Variants in EFNB2 observed in about 807,000 individuals in gnomAD.
The protein encoded by EFNB2 is ephrin-B2.
EFNB2 carries 5 observed loss-of-function variants against 32.1 expected under a neutral mutation model. The ratio of observed to expected loss-of-function variants is 0.16; its 90% confidence interval spans 0.08 to 0.33. The LOEUF (loss-of-function observed/expected upper bound fraction) is 0.33. Ranked by LOEUF, EFNB2 falls within the 10% of genes least tolerant of loss-of-function variation. The pLI, the probability that EFNB2 is intolerant of heterozygous loss-of-function variation, is 1.00. For synonymous variants in EFNB2, 168 were observed against 166.5 expected, an observed-to-expected ratio of 1.01 and a Z score of -0.07; for missense variants, 263 against 422.6, an observed-to-expected ratio of 0.62 and a Z score of 3.31.
chr13:106,496,476 C>A (rs1392859520), intron 2 of EFNB2, among the ~76,000 whole-genome samples: 2 of 152,198 alleles, frequency 1.3e-5, no homozygotes, highest in African/African-American at 2.4e-5. Flanking sequence ...CCAATGTCAA[C>A]CTTAGTCAAC....
intron 1 of EFNB2, among the ~76,000 whole-genome samples, chr13:106,527,816 T>A (rs1018530246): frequency 6.6e-6 from 1 of 152,250 alleles, no homozygotes; most frequent in Non-Finnish European, 1.5e-5. Context: ...AAATGTTGGA[T>A]GAAGGTTAGT....
chr13:106,528,858 A>G (rs1003951213), intron 1 of EFNB2, among the ~76,000 whole-genome samples: 3 of 152,176 alleles, frequency 2.0e-5, no homozygotes, highest in Non-Finnish European at 4.4e-5. Flanking sequence ...TTTTGACTTT[A>G]AGGCTGGGCA....
At chr13:106,529,118 G>C (rs1189400985) in intron 1 of EFNB2, among the ~76,000 whole-genome samples, 1 of 152,182 alleles carries the variant, frequency 6.6e-6, no homozygotes, top group Non-Finnish European at 1.5e-5. Flanking sequence ...CTGAGGGAGA[G>C]GGACAATGTG....
intron 1 of EFNB2, among the ~76,000 whole-genome samples, chr13:106,531,750 T>A (rs1159211387): frequency 6.8e-6 from 1 of 147,734 alleles, no homozygotes; most frequent in Non-Finnish European, 1.5e-5. Context: ...GTATCAGGAA[T>A]CCAGTATTAT....
Position 106,492,148 on chromosome 13 carries a change from A to G in EFNB2, c.*892T>C, listed in dbSNP as rs1878429325. The G allele has an allele frequency of 6.6e-6, 1 of 152,614 alleles. No individual in the cohort carries two copies. Among genetic ancestry groups the G allele is most frequent in the Non-Finnish European group, 1.5e-5 (1 of 68,060 alleles). The allele number at this position is 152,614 out of a possible 1,614,324, so 9.5% of individuals were successfully genotyped here. The stretch of plus-strand genomic sequence containing the variant: ...GATAACAGCGAGTGCCTCCCCATGC[A>G]CTGGAATCCACTGTGTGTGCTGTCG... On this transcript the variant is annotated 3_prime_UTR_variant, in exon 5 of 5. Transcript: ENST00000646441. The surrounding 1 kb of genome is among the most constrained non-coding windows in gnomAD (Gnocchi z 5.1).
chr13:106,505,707 C>G (rs571086735), intron 2 of EFNB2, among the ~76,000 whole-genome samples: 1 of 152,274 alleles, frequency 6.6e-6, no homozygotes, highest in East Asian at 1.9e-4. Context: ...AGAAGCCTGT[C>G]CTCTTTCATT....
chr13:106,502,677 A>G (rs1388819951), intron 2 of EFNB2, among the ~76,000 whole-genome samples: 1 of 152,244 alleles, frequency 6.6e-6, no homozygotes, highest in East Asian at 1.9e-4. Flanking sequence ...CACCACATCT[A>G]GAACAGGAGA....
intron 1 of EFNB2, among the ~76,000 whole-genome samples, chr13:106,531,623 GTTTAT>G (rs1879874503): frequency 1.3e-5 from 2 of 152,180 alleles, no homozygotes; most frequent in Non-Finnish European, 1.5e-5. Flanking sequence ...ATCCATTGTA[GTTTAT>G]TTTATCAATC....
At position 106,492,859 on chromosome 13, in the gene EFNB2, G is replaced by T; in HGVS notation, c.*181C>A. On this transcript the variant is annotated 3_prime_UTR_variant, in exon 5 of 5. Coordinates refer to ENST00000646441, the MANE Select transcript of EFNB2 (RefSeq NM_004093.4). This position sits in a 1 kb window ranked among gnomAD's most constrained non-coding sequence, Gnocchi z 5.1. ...CCAGGGAGCGTGTGTGTTCACCAAG[G>T]CCGAATGCTACAAGACTAGGTAAGC... is the stretch of plus-strand genomic sequence containing the variant. The T allele has an allele frequency of 1.3e-6, 1 of 763,200 alleles. No individual in the cohort carries two copies. Among genetic ancestry groups the T allele is most frequent in the Non-Finnish European group, 2.0e-6 (1 of 492,164 alleles). 47.3% of individuals were successfully genotyped at this position (763,200 alleles called of 1,614,324 possible). A position where few individuals can be genotyped will look rare whatever the true frequency, so the allele number is the denominator to read the frequency against.
intron 1 of EFNB2, chr13:106,519,780 T>C (rs984543922): frequency 6.6e-6 from 1 of 152,236 alleles, no homozygotes; most frequent in Admixed American, 6.5e-5. Context: ...TTGCAATAAA[T>C]AGTCAATGCT....
In EFNB2 at chr13:106,495,857, T is replaced by C; in HGVS notation, c.407-17A>G. The C allele has an allele frequency of 6.2e-7, 1 of 1,601,994 alleles. No individual in the cohort carries two copies. The highest frequency in any genetic ancestry group is 8.5e-7 in the Non-Finnish European group (1 of 1,174,822). On this transcript the variant is annotated splice_polypyrimidine_tract_variant and intron_variant, in intron 2 of 4. Coordinates refer to ENST00000646441, the MANE Select transcript of EFNB2 (RefSeq NM_004093.4). ...TTGATGTAGCTGATTAAAAATAAAA[T>C]GGACAAAACAAAAAAATAAAGAAAA...
At chr13:106,509,110 G>GT (rs1879052475) in intron 2 of EFNB2, among the ~76,000 whole-genome samples, 2 of 152,066 alleles carry the variant, frequency 1.3e-5, no homozygotes, top group African/African-American at 4.8e-5. Context: ...TACTAAAAGC[G>GT]TTTTTTAGGG....
chr13:106,497,707 C>A (rs574654017), intron 2 of EFNB2, among the ~76,000 whole-genome samples: 1 of 152,040 alleles, frequency 6.6e-6, no homozygotes, highest in African/African-American at 2.4e-5. Context: ...CACCTCACGA[C>A]AGGCCCCGGT....
In EFNB2 at chr13:106,518,850, A is replaced by G. The variant is rs1879403586; in HGVS notation, c.123-6038T>C. 6.6e-6 allele frequency: 1 copy of G among 152,202 alleles called. No individual in the cohort carries two copies. Among genetic ancestry groups the G allele is most frequent in the Admixed American group, 6.5e-5 (1 of 15,274 alleles). The allele number at this position is 152,202 out of a possible 1,614,324, so 9.4% of individuals were successfully genotyped here. A position where few individuals can be genotyped will look rare whatever the true frequency, so the allele number is the denominator to read the frequency against. Reference sequence around the variant, plus strand: ...GCACAAACATCTGATGCCTTCTTACAAGTTTTCTCACGGTTGGCCAAAGAG... The same window carrying G: ...GCACAAACATCTGATGCCTTCTTACGAGTTTTCTCACGGTTGGCCAAAGAG... On this transcript the variant is annotated intron_variant, in intron 1 of 4. Transcript: ENST00000646441. This position sits in a 1 kb window ranked among gnomAD's most constrained non-coding sequence, Gnocchi z 4.1.
rs780013719 is a variant in EFNB2, at chr13:106,498,126, G to A, written c.407-2286C>T. 9.9e-5 allele frequency among the ~76,000 whole-genome samples: 15 copies of A among 152,060 alleles called. No individual in the cohort carries two copies. In the South Asian group the frequency reaches 1.9e-3, roughly 19 times the overall value. On this transcript the variant is annotated intron_variant, in intron 2 of 4. Coordinates refer to ENST00000646441, the MANE Select transcript of EFNB2 (RefSeq NM_004093.4). The stretch of plus-strand genomic sequence containing the variant: ...ACTCAAAGTAAGTAACTGACTTTTT[G>A]TTGCTAAAAGTTTCAACACTAAGCT...
rs759930636 is a variant in EFNB2 at position 106,493,108 on chromosome 13, C to T, written c.934G>A (p.Gly312Arg). ...TCCTGGACGATGTACACCGGGTGCCCGTAGTCCCCGCTGACCTTCTCGTAG... is the reference window on the plus strand; with the variant it reads ...TCCTGGACGATGTACACCGGGTGCCTGTAGTCCCCGCTGACCTTCTCGTAG... ...PHYEKVSGDYGHPVYIVQEMP... is the reference protein window; with the variant it reads ...PHYEKVSGDYRHPVYIVQEMP... Residue 312 changes from glycine (G) to arginine (R), a missense_variant, in exon 5 of 5, where the codon GGG (glycine) becomes AGG (arginine). This residue lies in a region of EFNB2 where 172 missense variants were observed against 237.1 expected (regional missense o/e 0.73). Coordinates refer to ENST00000646441, the MANE Select transcript of EFNB2 (RefSeq NM_004093.4). This position sits in a 1 kb window ranked among gnomAD's most constrained non-coding sequence, Gnocchi z 6.1. The T allele has an allele frequency of 1.2e-5, 19 of 1,613,832 alleles. No homozygotes were observed. The highest frequency in any genetic ancestry group is 2.7e-5 in the African/African-American group (2 of 74,932).
chr13:106,496,140 T>C (rs1469307111), intron 2 of EFNB2, among the ~76,000 whole-genome samples: 1 of 152,354 alleles, frequency 6.6e-6, no homozygotes, highest in East Asian at 1.9e-4. Flanking sequence ...ATAAAAGGGA[T>C]GGCATCCTTC....
chr13:106,490,806 C>G lies in EFNB2; in HGVS notation c.*2234G>C, dbSNP rs1053562346. On this transcript the variant is annotated 3_prime_UTR_variant, in exon 5 of 5. Transcript: ENST00000646441. ...TATATGTACACATGTATACCACGCA[C>G]CCACTCACACATACACACACGCACT... 7 of 152,322 alleles carry G rather than the reference C, an allele frequency of 4.6e-5. No homozygotes were observed. The highest frequency in any genetic ancestry group is 1.7e-4 in the African/African-American group (7 of 41,334). The allele number at this position is 152,322 out of a possible 1,614,324, so 9.4% of individuals were successfully genotyped here. A position where few individuals can be genotyped will look rare whatever the true frequency, so the allele number is the denominator to read the frequency against.
rs1026606481 is a variant in EFNB2 at position 106,492,779 on chromosome 13, C to A, written c.*261G>T. The A allele has an allele frequency of 2.5e-6, 1 of 395,330 alleles. No homozygotes were observed. The highest frequency in any genetic ancestry group is 4.6e-6 in the Non-Finnish European group (1 of 216,468). The allele number at this position is 395,330 out of a possible 1,614,324, so 24.5% of individuals were successfully genotyped here. A position where few individuals can be genotyped will look rare whatever the true frequency, so the allele number is the denominator to read the frequency against. ...GCAGCACATGGCTTCGAGGAGGAGA[C>A]GTGGGACGCGGCACAGCAGTCCGAA... is the stretch of plus-strand genomic sequence containing the variant. On this transcript the variant is annotated 3_prime_UTR_variant, in exon 5 of 5. Transcript: ENST00000646441. The surrounding 1 kb of genome is among the most constrained non-coding windows in gnomAD (Gnocchi z 5.1).
Sources: allele counts gnomAD v4.1 joint callset (sites outside exome capture counted in the v4.1 genomes callset), GRCh38; gene constraint gnomAD v4.1.1; regional missense constraint gnomAD v4.1.1; non-coding constraint Gnocchi (gnomAD v3.1); transcripts MANE v1.5; gene names NCBI Gene and HGNC (gene_info 2026-07-23, HGNC 2026-07-21).